Variants in CUEDC1 observed in about 807,000 individuals in gnomAD.
The protein encoded by CUEDC1 is CUE domain containing 1.
A neutral mutation model predicts 43.7 loss-of-function variants in CUEDC1; 30 were observed. That is an observed-to-expected ratio of 0.69 (90% CI 0.51 to 0.93). The LOEUF (loss-of-function observed/expected upper bound fraction) is 0.93. Among genes scored for constraint, CUEDC1 ranks in the 40% least tolerant of loss-of-function variants. The pLI is 0.00. For missense variants in CUEDC1, 486 were observed against 549.0 expected (o/e 0.89, Z 1.15); for synonymous variants, 223 against 223.6 (o/e 1.00, Z 0.02).
Position 57,891,237 on chromosome 17 carries a change from T to A in CUEDC1, c.-315-5358A>T, listed in dbSNP as rs528369247. On this transcript the variant is annotated intron_variant, in intron 1 of 10. Coordinates refer to ENST00000577830, the MANE Select transcript of CUEDC1 (RefSeq NM_001271875.2). ...CAACAACATGGATCCATCCGACCTG[T>A]GATTCCCTCCGACCCCAACCTGCTT... is the stretch of plus-strand genomic sequence containing the variant. Among the ~76,000 whole-genome samples the A allele has an allele frequency of 4.6e-5, 7 of 152,354 alleles. No homozygotes were observed. In the East Asian group the frequency reaches 1.3e-3, roughly 29 times the overall value.
chr17:57,898,390 G>A (rs1301428723), intron 1 of CUEDC1, among the ~76,000 whole-genome samples: 1 of 152,198 alleles, frequency 6.6e-6, no homozygotes, highest in Non-Finnish European at 1.5e-5. Context: ...GTCTGGGGTA[G>A]GAAGCCATGG....
chr17:57,872,494 C>T (rs76969418), intron 5 of CUEDC1, among the ~76,000 whole-genome samples, 169 bp downstream of exon 5: 1 of 152,356 alleles, frequency 6.6e-6, no homozygotes, highest in East Asian at 1.9e-4. Context: ...TCCCCATAGG[C>T]AGAATTCTGA....
At chr17:57,917,308 G>A (rs984209114) in intron 1 of CUEDC1, among the ~76,000 whole-genome samples, 3 of 152,190 alleles carry the variant, frequency 2.0e-5, no homozygotes, top group African/African-American at 2.4e-5. Context: ...AGATGGCAGC[G>A]GCTCAGAGGC....
intron 2 of CUEDC1, among the ~76,000 whole-genome samples, chr17:57,880,870 C>T (rs939770733): frequency 6.6e-6 from 1 of 152,086 alleles, no homozygotes; most frequent in Non-Finnish European, 1.5e-5. Context: ...CTGGGAGATC[C>T]CTCACCACAC....
intron 1 of CUEDC1, among the ~76,000 whole-genome samples, chr17:57,889,011 T>C (rs982986589): frequency 5.9e-5 from 9 of 152,100 alleles, no homozygotes; most frequent in African/African-American, 2.2e-4. Flanking sequence ...TCTGGGCCTC[T>C]CTGAGTGTTG....
chr17:57,918,710 A>G (rs776778699), intron 1 of CUEDC1, among the ~76,000 whole-genome samples: 17 of 152,204 alleles, frequency 1.1e-4, no homozygotes, highest in Non-Finnish European at 4.4e-5. Context: ...ATTATGGTGG[A>G]TGTTTTCCAC....
At position 57,872,613 on chromosome 17, in the gene CUEDC1, C is replaced by T. The variant is rs1401490382; in HGVS notation, c.784+50G>A. 3.7e-6 allele frequency: 6 copies of T among 1,600,776 alleles called. No individual in the cohort carries two copies. In the South Asian group the frequency reaches 4.4e-5, roughly 12 times the overall value. On this transcript the variant is annotated intron_variant, in intron 5 of 10. Coordinates refer to ENST00000577830, the MANE Select transcript of CUEDC1 (RefSeq NM_001271875.2). ...TCCTGAGCCCCAAGGCTAAAGCCAGCATCACCTCCCTTCTTCAGCCAGGGA... is the reference window on the plus strand; with the variant it reads ...TCCTGAGCCCCAAGGCTAAAGCCAGTATCACCTCCCTTCTTCAGCCAGGGA...
intron 1 of CUEDC1, among the ~76,000 whole-genome samples, chr17:57,939,431 A>C (rs759621006): frequency 2.0e-4 from 26 of 131,720 alleles, no homozygotes; most frequent in Middle Eastern, 4.2e-3. Flanking sequence ...CGCCCAGCTA[A>C]TTTTTCAAAT....
intron 1 of CUEDC1, among the ~76,000 whole-genome samples, chr17:57,928,378 T>C (rs1249048186): frequency 6.6e-6 from 1 of 151,718 alleles, no homozygotes; most frequent in African/African-American, 2.4e-5. Context: ...TGAAACCCCA[T>C]CTCTACTAAA....
chr17:57,896,011 G>A (rs904181493), intron 1 of CUEDC1, among the ~76,000 whole-genome samples: 3 of 152,208 alleles, frequency 2.0e-5, no homozygotes, highest in Admixed American at 2.0e-4. Flanking sequence ...CCCCGGACAG[G>A]CAGCAATCCA....
chr17:57,880,513 C>T (rs1246004429), intron 2 of CUEDC1, among the ~76,000 whole-genome samples: 3 of 152,182 alleles, frequency 2.0e-5, no homozygotes, highest in Non-Finnish European at 4.4e-5. Context: ...GCCTGCTCTC[C>T]TTCCCAAGCT....
intron 1 of CUEDC1, among the ~76,000 whole-genome samples, chr17:57,925,168 T>C (rs1457267406): frequency 1.3e-5 from 2 of 150,772 alleles, no homozygotes; most frequent in Non-Finnish European, 3.0e-5. Flanking sequence ...TTTTCAGCCG[T>C]AGTACTGAAA....
At chr17:57,898,093 A>G (rs1275748890) in intron 1 of CUEDC1, among the ~76,000 whole-genome samples, 2 of 152,204 alleles carry the variant, frequency 1.3e-5, no homozygotes, top group African/African-American at 4.8e-5. Context: ...AACCTTTTCA[A>G]TCCTAAGAAT....
chr17:57,867,441 C>A (rs1442532943), intron 8 of CUEDC1, 26 bp from the exon 9 acceptor site: 1 of 1,550,146 alleles, frequency 6.5e-7, no homozygotes, highest in Non-Finnish European at 8.7e-7. Context: ...GGAAAACCGT[C>A]CCAGGGATGA....
At chr17:57,867,219 T>G (rs1427221978) in intron 9 of CUEDC1, 138 bp downstream of exon 9, 10 of 788,502 alleles carry the variant, frequency 1.3e-5, no homozygotes, top group Admixed American at 1.0e-4. Flanking sequence ...GATCCATATC[T>G]TTGGGTCACC....
chr17:57,868,067 C>T (rs1200260493), intron 8 of CUEDC1, 83 bp downstream of exon 8: 2 of 1,169,668 alleles, frequency 1.7e-6, no homozygotes, highest in African/African-American at 1.5e-5. Context: ...GGGGAGGGCA[C>T]AGCTGCAGGG....
chr17:57,946,004 TA>T lies in CUEDC1; in HGVS notation c.-316+9220del, dbSNP rs56825424. Among the ~76,000 whole-genome samples the T allele has an allele frequency of 9.9e-3, 1,450 of 146,286 alleles. 20 individuals carry two copies. The highest frequency in any genetic ancestry group is 0.035 in the African/African-American group (1,386 of 39,734). ...AAGACTCCACCTCAAAAATAAAAAA[TA>T]AAAAAAAAACACCAAAAAACCATTT... On this transcript the variant is annotated intron_variant, in intron 1 of 10. Coordinates refer to ENST00000577830, the MANE Select transcript of CUEDC1 (RefSeq NM_001271875.2).
chr17:57,952,462 G>A (rs1320805221), intron 1 of CUEDC1, among the ~76,000 whole-genome samples: 1 of 152,022 alleles, frequency 6.6e-6, no homozygotes, highest in Admixed American at 6.6e-5. Flanking sequence ...CCTGACCTCA[G>A]GTGATCCACC....
At chr17:57,869,082 G>A (rs1378828546) in intron 7 of CUEDC1, 40 bp downstream of exon 7, 6 of 1,608,238 alleles carry the variant, frequency 3.7e-6, no homozygotes, top group Non-Finnish European at 5.1e-6. Flanking sequence ...GCCTGTCTCA[G>A]AAAAGCTGGG....
Sources: gnomAD v4.1 joint callset for allele counts (sites outside exome capture counted in the v4.1 genomes callset) on GRCh38, gnomAD v4.1.1 for gene constraint, MANE v1.5 for transcripts, NCBI Gene and HGNC (gene_info 2026-07-23, HGNC 2026-07-21) for gene names.